The following ACSBG1 variants were observed in gnomAD, a reference collection of about 807,000 sequenced individuals.
The protein encoded by ACSBG1 is acyl-CoA synthetase bubblegum family member 1.
A neutral mutation model predicts 80.2 loss-of-function variants in ACSBG1; 39 were observed. The ratio of observed to expected loss-of-function variants is 0.49; its 90% CI spans 0.38 to 0.64. ACSBG1 has a LOEUF of 0.64. Among genes scored for constraint, ACSBG1 ranks in the 30% least tolerant of loss-of-function variants. ACSBG1 has a pLI of 0.00. For missense variants in ACSBG1, 828 were observed against 966.4 expected, an observed-to-expected ratio of 0.86 and a Z score of 1.90; for synonymous variants, 392 against 379.5, an observed-to-expected ratio of 1.03 and a Z score of -0.38.
At chr15:78,206,420 G>A (rs2075215428) in intron 2 of ACSBG1, among the ~76,000 whole-genome samples, 1 of 152,196 alleles carries the variant, frequency 6.6e-6, no homozygotes, top group Non-Finnish European at 1.5e-5. Flanking sequence ...CCCTCAGACT[G>A]GGGGTTCTTT....
chr15:78,183,745 G>C (rs2074972512), intron 5 of ACSBG1, among the ~76,000 whole-genome samples: 1 of 151,332 alleles, frequency 6.6e-6, no homozygotes, highest in Non-Finnish European at 1.5e-5. Flanking sequence ...GAAAAATAAA[G>C]TTATATGTAA....
At position 78,180,854 on chromosome 15, in the gene ACSBG1, C is replaced by A. The variant is rs149090840; in HGVS notation, c.1154G>T (p.Arg385Leu). ...VPRVWEKIMERIQEVAAQSGF... is the reference protein window; with the variant it reads ...VPRVWEKIMELIQEVAAQSGF... ...AGACTGAGCCGCCACCTCCTGGATG[C>A]GCTCCATGATCTTCTCCCATACCCG... Residue 385 changes from arginine to leucine, a missense_variant, in exon 9 of 14, where the codon CGC becomes CTC. Arg to Leu is a moderately radical substitution (Grantham distance 102, BLOSUM62 -2). This residue lies in a region of ACSBG1 where 271 missense variants were observed against 375.9 expected (regional missense o/e 0.72). Transcript: ENST00000258873. The A allele has an allele frequency of 2.5e-6, 4 of 1,614,088 alleles. No individual in the cohort carries two copies. The highest frequency in any genetic ancestry group is 1.1e-5 in the South Asian group (1 of 91,094).
intron 8 of ACSBG1, chr15:78,181,158 C>T: frequency 1.7e-6 from 1 of 575,320 alleles, no homozygotes; most frequent in Non-Finnish European, 3.1e-6. Flanking sequence ...CAGTGCTGAC[C>T]TCAGTCTCAT....
chr15:78,225,436 A>AAATAAAT (rs1567100830), intron 1 of ACSBG1, among the ~76,000 whole-genome samples: 12 of 126,512 alleles, frequency 9.5e-5, no homozygotes, highest in African/African-American at 2.3e-4. Context: ...AATAAATAAA[A>AAATAAAT]ATAAATTAAA....
chr15:78,191,019 C>A (rs151015198), intron 5 of ACSBG1, among the ~76,000 whole-genome samples: 1 of 152,232 alleles, frequency 6.6e-6, no homozygotes, highest in African/African-American at 2.4e-5. Flanking sequence ...CTACAAGAAA[C>A]TCACTTTAAA....
chr15:78,233,082 G>C (rs1173117636), intron 1 of ACSBG1, among the ~76,000 whole-genome samples: 1 of 152,232 alleles, frequency 6.6e-6, no homozygotes, highest in Non-Finnish European at 1.5e-5. Flanking sequence ...GGACACCGGG[G>C]CCCAGAGGAG....
At position 78,197,719 on chromosome 15, in the gene ACSBG1, T is replaced by TAA. The variant is rs746712543; in HGVS notation, c.233-2995_233-2994dup. ...GGGCGATAGAGCAAGACTCTGTCTT[T>TAA]AAAAAAAAAAAAAAAAAAAAAAAAT... is the stretch of plus-strand genomic sequence containing the variant. On this transcript the variant is annotated intron_variant, in intron 2 of 13. Coordinates refer to ENST00000258873, the MANE Select transcript of ACSBG1 (RefSeq NM_015162.5). 1.5e-3 allele frequency among the ~76,000 whole-genome samples: 160 copies of TAA among 103,338 alleles called. 2 individuals are homozygous for TAA. Among genetic ancestry groups the TAA allele is most frequent in the South Asian group, 5.2e-3 (14 of 2,714 alleles). The allele number at this position is 103,338 out of a possible 152,430, so 67.8% of individuals were successfully genotyped here.
At chr15:78,182,212 G>A in intron 7 of ACSBG1, 67 bp from the exon 8 acceptor site, 2 of 1,557,928 alleles carry the variant, frequency 1.3e-6, no homozygotes, top group Non-Finnish European at 1.7e-6. Context: ...CACAACTGTG[G>A]CCACCCTGGG....
Position 78,189,593 on chromosome 15 carries a change from A to G in ACSBG1, c.663+3913T>C, listed in dbSNP as rs567627238. Among the ~76,000 whole-genome samples the G allele has an allele frequency of 6.4e-4, 97 of 151,110 alleles. 2 individuals carry two copies. The East Asian group carries it at 0.013, about 21-fold the overall frequency. ...AGAACAAAAAAACCAAACACCACAT[A>G]CTCTCACTCATAGGTGGGAACTGAA... On this transcript the variant is annotated intron_variant, in intron 5 of 13. Coordinates refer to ENST00000258873, the MANE Select transcript of ACSBG1 (RefSeq NM_015162.5).
intron 4 of ACSBG1, 58 bp downstream of exon 4, chr15:78,193,859 AGATAAGGACCCTCCC>A: frequency 1.9e-6 from 3 of 1,551,442 alleles, no homozygotes; most frequent in Non-Finnish European, 2.6e-6. Context: ...TGCTAAAAAG[AGATAAGGACCCTCCC>A]CTACCCTCTG....
At chr15:78,228,584 C>T (rs1486688807) in intron 1 of ACSBG1, among the ~76,000 whole-genome samples, 1 of 152,166 alleles carries the variant, frequency 6.6e-6, no homozygotes, top group Non-Finnish European at 1.5e-5. Flanking sequence ...CTGGCTTGGG[C>T]GGACTTGCAT....
intron 2 of ACSBG1, among the ~76,000 whole-genome samples, chr15:78,202,016 C>T (rs543065613): frequency 6.6e-6 from 1 of 152,176 alleles, no homozygotes; most frequent in South Asian, 2.1e-4. Flanking sequence ...ATCAGGATGG[C>T]TGAGCTGAGA....
chr15:78,189,594 C>T (rs7402797), intron 5 of ACSBG1, among the ~76,000 whole-genome samples: 130,733 of 151,598 alleles, frequency 0.86, 56,422 homozygotes, highest in African/African-American at 0.9. Context: ...ACACCACATA[C>T]TCTCACTCAT....
At position 78,194,671 on chromosome 15, in the gene ACSBG1, G is replaced by T. The variant is rs377727919; in HGVS notation, c.288C>A (p.Pro96=). The T allele has an allele frequency of 1.1e-5, 18 of 1,613,846 alleles. No individual in the cohort carries two copies. The African/African-American group carries it at 2.4e-4, about 22-fold the overall frequency. The change falls in exon 3 of 14, where the codon CCC becomes CCA. Residue 96 remains proline, a synonymous_variant. Transcript: ENST00000258873. The part of the protein sequence containing the change: ...ADGRVRLRID[P]SCPQLPYTVH... ...CAGTGTAGGGAAGCTGTGGGCAGCT[G>T]GGGTCTATGCGCAGGCGCACCCGCC...
At chr15:78,226,012 C>T (rs1031059235) in intron 1 of ACSBG1, among the ~76,000 whole-genome samples, 3 of 152,004 alleles carry the variant, frequency 2.0e-5, no homozygotes, top group Non-Finnish European at 2.9e-5. Flanking sequence ...TAGAGGTGTC[C>T]CTCAGGTCCT....
At position 78,167,831 on chromosome 15, in the gene ACSBG1, T is replaced by C. The variant is rs956545178; in HGVS notation, c.*3613A>G. The C allele has an allele frequency of 7.2e-5, 11 of 152,236 alleles. No individual in the cohort carries two copies. The highest frequency in any genetic ancestry group is 2.7e-4 in the African/African-American group (11 of 41,464). 9.4% of individuals were successfully genotyped at this position (152,236 alleles called of 1,614,324 possible). ...AAGTTGGTCCCTTCTTTTAAAAAAA[T>C]TCTGTAATTTGAAATTATATCGTGT... On this transcript the variant is annotated 3_prime_UTR_variant, in exon 14 of 14. Coordinates refer to ENST00000258873, the MANE Select transcript of ACSBG1 (RefSeq NM_015162.5).
At position 78,174,659 on chromosome 15, in the gene ACSBG1, G is replaced by C. The variant is rs192564169; in HGVS notation, c.1703-135C>G. The C allele has an allele frequency of 9.0e-4, 995 of 1,109,572 alleles. 1 individual carries two copies. Among genetic ancestry groups the C allele is most frequent in the Admixed American group, 3.0e-3 (108 of 36,480 alleles). The allele number at this position is 1,109,572 out of a possible 1,614,324, so 68.7% of individuals were successfully genotyped here. A position where few individuals can be genotyped will look rare whatever the true frequency, so the allele number is the denominator to read the frequency against. ...CCCCCTTTCTGGGAGCCAAGAAGCA[G>C]TGGCAGGCCCTCCAAAGCAACTCAC... On this transcript the variant is annotated intron_variant, in intron 11 of 13. Transcript: ENST00000258873.
chr15:78,174,375 C>A lies in ACSBG1; in HGVS notation c.1842+10G>T. ...GCTGCTCCTTCTGAGCTGGAGCCCC[C>A]CAGACACACCTTCAAGGTGAGCAGC... is the stretch of plus-strand genomic sequence containing the variant. On this transcript the variant is annotated intron_variant, in intron 12 of 13. Coordinates refer to ENST00000258873, the MANE Select transcript of ACSBG1 (RefSeq NM_015162.5). The A allele has an allele frequency of 6.2e-7, 1 of 1,614,176 alleles. No homozygotes were observed. The highest frequency in any genetic ancestry group is 1.1e-5 in the South Asian group (1 of 91,078).
chr15:78,222,804 A>G (rs760576582), intron 1 of ACSBG1, among the ~76,000 whole-genome samples: 27 of 144,474 alleles, frequency 1.9e-4, no homozygotes, highest in Non-Finnish European at 3.2e-4. Context: ...ATACTGTAAC[A>G]GTACATTTTA....
Sources: allele counts gnomAD v4.1 joint callset (sites outside exome capture counted in the v4.1 genomes callset), GRCh38; gene constraint gnomAD v4.1.1; regional missense constraint gnomAD v4.1.1; transcripts MANE v1.5; gene names NCBI Gene and HGNC (gene_info 2026-07-23, HGNC 2026-07-21).